Variants in DCAF6 observed in about 807,000 individuals in gnomAD.
The protein encoded by DCAF6 is DDB1 and CUL4 associated factor 6.
DCAF6 carries 54 observed loss-of-function variants against 125.1 expected under a neutral mutation model. The observed-to-expected ratio is 0.43, with a 90% CI of 0.35 to 0.54. The LOEUF is 0.54. Among genes scored for constraint, DCAF6 ranks in the 20% least tolerant of loss-of-function variants. The probability of loss-of-function intolerance (pLI) is 0.01; values close to 1 mark genes in which losing one functional copy is unlikely to be tolerated. For synonymous variants in DCAF6, 371 were observed against 390.4 expected, an observed-to-expected ratio of 0.95 and a Z score of 0.58; for missense variants, 934 against 1,161.7, an observed-to-expected ratio of 0.80 and a Z score of 2.85.
At chr1:167,918,284 T>C in the DCAF6 span, 1 of 1,505,706 alleles carries the variant, frequency 6.6e-7, no homozygotes, top group Non-Finnish European at 9.1e-7. Flanking sequence ...CCCAATGGTT[T>C]TGTCCACATC....
the DCAF6 span, among the ~76,000 whole-genome samples, chr1:167,879,630 T>G: frequency 6.6e-6 from 1 of 152,196 alleles, no homozygotes. Flanking sequence ...ATTTTACATA[T>G]ATTCAGTATT....
intron 1 of DCAF6, chr1:167,937,230 G>C: frequency 1.7e-6 from 1 of 599,532 alleles, no homozygotes; most frequent in South Asian, 2.0e-5. Flanking sequence ...GTTTTTCTCG[G>C]AGGGCCGGGC....
chr1:167,878,156 G>A, the DCAF6 span, among the ~76,000 whole-genome samples: 2 of 152,062 alleles, frequency 1.3e-5, no homozygotes, highest in Non-Finnish European at 2.9e-5. Flanking sequence ...GGCCCATTTG[G>A]GTGCAAATAG....
the DCAF6 span, among the ~76,000 whole-genome samples, chr1:167,923,516 T>C: frequency 6.6e-6 from 1 of 152,028 alleles, no homozygotes; most frequent in East Asian, 1.9e-4. Flanking sequence ...AGACAGAAGG[T>C]AGAATGGTGG....
intron 1 of DCAF6, among the ~76,000 whole-genome samples, chr1:167,941,541 TAA>T (rs1009081066): frequency 2.0e-5 from 3 of 152,244 alleles, no homozygotes; most frequent in Non-Finnish European, 2.9e-5. Flanking sequence ...GGTGTATATA[TAA>T]ACCTTACTAG....
intron 1 of DCAF6, among the ~76,000 whole-genome samples, chr1:167,944,287 C>T (rs148411635): frequency 1.3e-4 from 20 of 152,258 alleles, no homozygotes; most frequent in Non-Finnish European, 2.4e-4. Flanking sequence ...TACTGGTGCA[C>T]ATATCTTTTA....
chr1:168,030,574 A>C (rs1048576695), intron 12 of DCAF6, among the ~76,000 whole-genome samples: 2 of 152,124 alleles, frequency 1.3e-5, no homozygotes, highest in Admixed American at 1.3e-4. Flanking sequence ...TCTGGTGATA[A>C]AAGTAAGGTA....
intron 1 of DCAF6, among the ~76,000 whole-genome samples, chr1:167,951,016 T>TA (rs2102707006): frequency 6.6e-6 from 1 of 152,346 alleles, no homozygotes; most frequent in Admixed American, 6.5e-5. Context: ...TTAAAAACCT[T>TA]ACTCCCTACC....
chr1:168,023,796 C>T (rs1259234628), intron 12 of DCAF6: 1 of 152,124 alleles, frequency 6.6e-6, no homozygotes, highest in Admixed American at 6.5e-5. Flanking sequence ...AGTGTTAGCG[C>T]AAATGTTTTA....
At chr1:168,066,674 AT>A (rs1335278657) in intron 20 of DCAF6, among the ~76,000 whole-genome samples, 1 of 148,830 alleles carries the variant, frequency 6.7e-6, no homozygotes, top group African/African-American at 2.6e-5. Context: ...TAATTATAAT[AT>A]TCATCATCGG....
the DCAF6 span, among the ~76,000 whole-genome samples, chr1:167,881,014 A>G: frequency 6.6e-6 from 1 of 152,240 alleles, no homozygotes; most frequent in African/African-American, 2.4e-5. Context: ...GGAAACTTAG[A>G]TAAGTCTATT....
At chr1:167,936,173 G>A (rs1846416), upstream of DCAF6, 59,712 of 283,972 alleles carry the variant, frequency 0.21, 7,407 homozygotes, top group Admixed American at 0.37. Flanking sequence ...CGCTTGCGCA[G>A]GCCGAGCTGC....
chr1:168,002,712 T>C, intron 8 of DCAF6, 137 bp downstream of exon 8: 1 of 586,934 alleles, frequency 1.7e-6, no homozygotes, highest in South Asian at 3.1e-5. Context: ...CAAATATATC[T>C]TAGGATAAAT....
At chr1:167,878,371 G>C in the DCAF6 span, 1 of 1,515,332 alleles carries the variant, frequency 6.6e-7, no homozygotes, top group Non-Finnish European at 9.1e-7. Flanking sequence ...AATCTTAAAT[G>C]GGTGACTGCT....
chr1:167,966,301 G>A (rs1007326382), intron 2 of DCAF6, among the ~76,000 whole-genome samples: 2 of 152,144 alleles, frequency 1.3e-5, no homozygotes, highest in Admixed American at 6.5e-5. Context: ...CTAACACACG[G>A]CCCGTGGGCT....
chr1:167,999,106 A>G (rs1385781008), intron 7 of DCAF6, among the ~76,000 whole-genome samples: 1 of 152,146 alleles, frequency 6.6e-6, no homozygotes, highest in Non-Finnish European at 1.5e-5. Flanking sequence ...ATGGGATACA[A>G]TGAAAATGTT....
chr1:168,004,102 C>G, intron 9 of DCAF6, 113 bp downstream of exon 9: 3 of 1,288,082 alleles, frequency 2.3e-6, no homozygotes, highest in Non-Finnish European at 3.2e-6. Flanking sequence ...GTAATAATCA[C>G]AAGGTTCTTA....
chr1:167,987,659 T>A, intron 5 of DCAF6, 51 bp downstream of exon 5: 1 of 910,660 alleles, frequency 1.1e-6, no homozygotes, highest in Non-Finnish European at 1.8e-6. Flanking sequence ...AAGGTTATAA[T>A]TAAAATTGGT....
chr1:168,060,334 C>T (rs1691432143), intron 17 of DCAF6, among the ~76,000 whole-genome samples: 2 of 152,138 alleles, frequency 1.3e-5, no homozygotes, highest in South Asian at 4.1e-4. Flanking sequence ...TGTGTGTGTA[C>T]CACCATGCCC....
Sources: allele counts gnomAD v4.1 joint callset (sites outside exome capture counted in the v4.1 genomes callset), GRCh38; gene constraint gnomAD v4.1.1; transcripts MANE v1.5; gene names NCBI Gene and HGNC (gene_info 2026-07-23, HGNC 2026-07-21).